FAT4: variants seen among roughly 807,000 people sequenced by gnomAD.
The protein encoded by FAT4 is FAT atypical cadherin 4.
FAT4 carries 84 observed loss-of-function variants against 303.9 expected under a neutral mutation model. The ratio of observed to expected loss-of-function variants is 0.28; its 90% CI spans 0.23 to 0.33. The LOEUF (loss-of-function observed/expected upper bound fraction) is 0.33, where lower values mean the gene tolerates loss of function less well. FAT4 is among the 10% of genes least tolerant of loss of function. The pLI is 1.00. For synonymous variants in FAT4, 2,307 were observed against 2,298.8 expected, an observed-to-expected ratio of 1.00 and a Z score of -0.10; for missense variants, 6,005 against 6,146.8, an observed-to-expected ratio of 0.98 and a Z score of 0.77.
rs781736766 is a variant in FAT4 at position 125,320,639 on chromosome 4, G to T, written c.4228G>T (p.Val1410Leu). 3 of 1,614,056 alleles carry T rather than the reference G, an allele frequency of 1.9e-6. No homozygotes were observed. Among genetic ancestry groups the T allele is most frequent in the South Asian group, 1.1e-5 (1 of 91,082 alleles). The change falls in exon 2 of 18, where the codon GTG becomes TTG. Residue 1410 changes from valine (V) to leucine (L), a missense_variant. Transcript: ENST00000394329. ...ATCTACAATGTCAGTGGTTATTCAC[G>T]TGAGGGACTTTAATGACAATCCTCC... ...RSSTMSVVIHVRDFNDNPPSF... is the reference protein window; with the variant it reads ...RSSTMSVVIHLRDFNDNPPSF...
chr4:125,404,407 T>C (rs542585554), intron 3 of FAT4, among the ~76,000 whole-genome samples: 1 of 152,274 alleles, frequency 6.6e-6, no homozygotes, highest in South Asian at 2.1e-4. Flanking sequence ...TTTGAAGTTC[T>C]CAAAAAATAT....
At chr4:125,472,902 A>G (rs1726912070) in intron 12 of FAT4, among the ~76,000 whole-genome samples, 1 of 152,146 alleles carries the variant, frequency 6.6e-6, no homozygotes, top group African/African-American at 2.4e-5. Flanking sequence ...TGTTACTTGA[A>G]ATATTGGTGA....
At chr4:125,326,535 T>G (rs1245143935) in intron 2 of FAT4, among the ~76,000 whole-genome samples, 1 of 152,164 alleles carries the variant, frequency 6.6e-6, no homozygotes, top group Admixed American at 6.5e-5. Flanking sequence ...GAGTCTCAGA[T>G]AAGTTAATAA....
intron 2 of FAT4, among the ~76,000 whole-genome samples, chr4:125,326,498 C>T (rs750496675): frequency 6.6e-6 from 1 of 151,982 alleles, no homozygotes; most frequent in Non-Finnish European, 1.5e-5. Context: ...ATACTAATAT[C>T]ATTTGCATTT....
intron 9 of FAT4, 21 bp downstream of exon 9, chr4:125,446,564 G>A: frequency 6.3e-7 from 1 of 1,586,840 alleles, no homozygotes; most frequent in Non-Finnish European, 8.6e-7. Context: ...AAATTCTGAG[G>A]CCACATGGAT....
intron 7 of FAT4, among the ~76,000 whole-genome samples, chr4:125,430,280 G>A (rs1193382478): frequency 2.0e-5 from 3 of 152,124 alleles, no homozygotes; most frequent in Admixed American, 6.5e-5. Flanking sequence ...TAGGGAGTTT[G>A]TGTCACTCAT....
chr4:125,376,721 G>A (rs1421157150), intron 2 of FAT4, among the ~76,000 whole-genome samples: 1 of 152,050 alleles, frequency 6.6e-6, no homozygotes, highest in Admixed American at 6.6e-5. Flanking sequence ...CCAACATAGA[G>A]AAACCCGGTC....
intron 12 of FAT4, among the ~76,000 whole-genome samples, chr4:125,471,279 T>C (rs1726846989): frequency 6.6e-6 from 1 of 152,240 alleles, no homozygotes. Flanking sequence ...GTGAGAATTA[T>C]TCAAATGTGA....
At chr4:125,363,327 A>G (rs576645442) in intron 2 of FAT4, among the ~76,000 whole-genome samples, 2 of 151,840 alleles carry the variant, frequency 1.3e-5, no homozygotes, top group Non-Finnish European at 2.9e-5. Context: ...ATATGTAGCC[A>G]CTTTTTAATA....
At chr4:125,439,493 C>T (rs1309843694) in intron 8 of FAT4, among the ~76,000 whole-genome samples, 2 of 146,780 alleles carry the variant, frequency 1.4e-5, no homozygotes, top group Non-Finnish European at 3.0e-5. Flanking sequence ...CCACCATGCC[C>T]GGCTAATTTT....
Position 125,446,392 on chromosome 4 carries a change from T to C in FAT4, c.7299T>C (p.Tyr2433=), listed in dbSNP as rs781557066. The change falls in exon 9 of 18, where the codon TAT becomes TAC. Residue 2433 remains tyrosine, a synonymous_variant. Coordinates refer to ENST00000394329, the MANE Select transcript of FAT4 (RefSeq NM_001291303.3). The part of the protein sequence containing the change: ...ALLDRETKDN[Y]TLVVVCSDAG... ...TAGATAGGGAAACAAAAGATAATTA[T>C]ACTTTGGTAGTGGTCTGCAGTGATG... The C allele has an allele frequency of 3.1e-6, 5 of 1,613,464 alleles. No homozygotes were observed. The highest frequency in any genetic ancestry group is 1.7e-5 in the Admixed American group (1 of 59,958).
intron 2 of FAT4, among the ~76,000 whole-genome samples, chr4:125,360,375 A>G (rs1560778111): frequency 6.6e-6 from 1 of 152,110 alleles, no homozygotes; most frequent in Non-Finnish European, 1.5e-5. Flanking sequence ...CATTTTCATC[A>G]CGTTTCCCAC....
chr4:125,458,186 G>A (rs1204042815), intron 10 of FAT4, among the ~76,000 whole-genome samples: 1 of 151,996 alleles, frequency 6.6e-6, no homozygotes, highest in Non-Finnish European at 1.5e-5. Flanking sequence ...ATTACCTTAT[G>A]GAGAAGTTTT....
intron 3 of FAT4, among the ~76,000 whole-genome samples, chr4:125,405,374 C>T (rs1293906784): frequency 6.6e-6 from 1 of 152,042 alleles, no homozygotes; most frequent in Non-Finnish European, 1.5e-5. Context: ...GTTCCAATTT[C>T]CCCACTTCTT....
At chr4:125,420,113 A>G (rs1016190086) in intron 7 of FAT4, among the ~76,000 whole-genome samples, 11 of 152,208 alleles carry the variant, frequency 7.2e-5, no homozygotes, top group Non-Finnish European at 1.5e-4. Flanking sequence ...TTGTCTGACC[A>G]GTAATGTTAT....
rs371901732 is a variant in FAT4 at position 125,319,931 on chromosome 4, G to A, written c.3520G>A (p.Val1174Met). The A allele has an allele frequency of 6.2e-7, 1 of 1,613,740 alleles. No homozygotes were observed. Among genetic ancestry groups the A allele is most frequent in the African/African-American group, 1.3e-5 (1 of 75,036 alleles). ...TCTTATGAGGCGGAGAGGGACTGCT[G>A]TGTTTAGCTTTACAGTCATAGCAAC... The part of the protein sequence containing the change: ...ESLMRRRGTA[V>M]FSFTVIATDQ... The change falls in exon 2 of 18, where the codon GTG becomes ATG. Residue 1174 changes from valine to methionine, a missense_variant. Physicochemically the swap from Val to Met is conservative, Grantham distance 21. Coordinates refer to ENST00000394329, the MANE Select transcript of FAT4 (RefSeq NM_001291303.3).
At position 125,320,492 on chromosome 4, in the gene FAT4, G is replaced by A. The variant is rs200361960; in HGVS notation, c.4081G>A (p.Gly1361Arg). The change falls in exon 2 of 18, where the codon GGA (glycine) becomes AGA (arginine). Residue 1361 changes from glycine to arginine, a missense_variant. Gly to Arg is a moderately radical substitution (Grantham distance 125). Transcript: ENST00000394329. ...YYSITGTNNH[G>R]TFSISPNTGS... ...CAGTATTACTGGGACTAACAACCAC[G>A]GAACTTTTAGCATTAGCCCAAACAC... 56 of 1,613,916 alleles carry A rather than the reference G, an allele frequency of 3.5e-5. No homozygotes were observed. Among genetic ancestry groups the A allele is most frequent in the Admixed American group, 1.3e-4 (8 of 59,994 alleles).
intron 2 of FAT4, among the ~76,000 whole-genome samples, chr4:125,385,250 T>C (rs1489803468): frequency 6.6e-6 from 1 of 151,978 alleles, no homozygotes. Flanking sequence ...CTCAAATTCC[T>C]GACCTCAGGT....
intron 2 of FAT4, among the ~76,000 whole-genome samples, chr4:125,385,435 A>G (rs1733709499): frequency 6.6e-6 from 1 of 152,164 alleles, no homozygotes; most frequent in Admixed American, 6.6e-5. Context: ...TAAGTAGTTA[A>G]TTGCCTTATT....
Sources: gnomAD v4.1 joint callset for allele counts (sites outside exome capture counted in the v4.1 genomes callset) on GRCh38, gnomAD v4.1.1 for gene constraint, MANE v1.5 for transcripts, NCBI Gene and HGNC (gene_info 2026-07-23, HGNC 2026-07-21) for gene names.